Variants in MGAT4C observed in about 807,000 individuals in gnomAD.
MGAT4C encodes the protein MGAT4 family member C, also known as alpha-1,3-mannosyl-glycoprotein 4-beta-N-acetylglucosaminyltransferase C.
Under a neutral mutation model 40.1 loss-of-function variants are expected in MGAT4C, and 19 were observed. The ratio of observed to expected loss-of-function variants is 0.47; its 90% confidence interval spans 0.33 to 0.70. The LOEUF is 0.70. Among genes scored for constraint, MGAT4C ranks in the 30% least tolerant of loss-of-function variants. MGAT4C has a pLI of 0.02. For missense variants in MGAT4C, 491 were observed against 563.2 expected, an observed-to-expected ratio of 0.87 and a Z score of 1.30; for synonymous variants, 181 against 187.1, an observed-to-expected ratio of 0.97 and a Z score of 0.27.
rs111376511 is a variant in MGAT4C, at chr12:86,700,984, G to A, written c.-229+26225C>T. Among the ~76,000 whole-genome samples, 523 of 151,998 alleles carry A rather than the reference G, an allele frequency of 3.4e-3. 1 individual carries two copies. The highest frequency in any genetic ancestry group is 0.012 in the African/African-American group (501 of 41,484). On this transcript the variant is annotated intron_variant, in intron 2 of 7. Coordinates refer to the MGAT4C transcript ENST00000548651. ...GTAAACTTTTCCAAGAAATATAAAT[G>A]CAATAAGAAAAAATATATTAAAAAG...
chr12:86,462,382 C>G (rs557347998), intron 2 of MGAT4C, among the ~76,000 whole-genome samples: 1 of 152,140 alleles, frequency 6.6e-6, no homozygotes, highest in South Asian at 2.1e-4. Context: ...AGACACAGTT[C>G]CTGCCTTCAA....
chr12:86,710,249 G>A (rs1189012169), intron 2 of MGAT4C, among the ~76,000 whole-genome samples: 3 of 152,082 alleles, frequency 2.0e-5, no homozygotes, highest in Non-Finnish European at 4.4e-5. Flanking sequence ...TGCTGATAAA[G>A]ATGTAGTAAA....
intron 1 of MGAT4C, among the ~76,000 whole-genome samples, chr12:86,108,405 G>C (rs1263009301): frequency 2.0e-5 from 3 of 152,004 alleles, no homozygotes; most frequent in Non-Finnish European, 2.9e-5. Context: ...ACTCCTTAAG[G>C]CTTCTCTTTT....
At chr12:86,107,108 C>G (rs1332549420) in intron 1 of MGAT4C, among the ~76,000 whole-genome samples, 1 of 152,154 alleles carries the variant, frequency 6.6e-6, no homozygotes. Context: ...TTTATACTTA[C>G]AGATTTTGCT....
At chr12:86,484,044 T>C (rs1957978819) in intron 2 of MGAT4C, among the ~76,000 whole-genome samples, 1 of 151,934 alleles carries the variant, frequency 6.6e-6, no homozygotes, top group Non-Finnish European at 1.5e-5. Flanking sequence ...GATCAGCTTC[T>C]AGAGAAGGTG....
At chr12:86,187,237 G>C (rs1321329544) in intron 1 of MGAT4C, among the ~76,000 whole-genome samples, 1 of 151,974 alleles carries the variant, frequency 6.6e-6, no homozygotes, top group Admixed American at 6.6e-5. Context: ...ACCCAATCTA[G>C]TCTAATATTT....
intron 1 of MGAT4C, among the ~76,000 whole-genome samples, chr12:86,213,916 C>T (rs565671651): frequency 1.3e-5 from 2 of 152,316 alleles, no homozygotes; most frequent in African/African-American, 4.8e-5. Flanking sequence ...CTTTAAACTG[C>T]TTCCTGCATC....
intron 2 of MGAT4C, among the ~76,000 whole-genome samples, chr12:86,599,264 AAAGT>A (rs1446566723): frequency 1.3e-5 from 2 of 152,152 alleles, no homozygotes; most frequent in African/African-American, 4.8e-5. Flanking sequence ...TTAGATTAAA[AAAGT>A]AAGACATATA....
At chr12:86,296,782 A>C (rs1185723456) in intron 4 of MGAT4C, among the ~76,000 whole-genome samples, 1 of 151,848 alleles carries the variant, frequency 6.6e-6, no homozygotes, top group Non-Finnish European at 1.5e-5. Flanking sequence ...CTCCCTCCAC[A>C]CCTCCCTGCA....
intron 2 of MGAT4C, among the ~76,000 whole-genome samples, chr12:86,528,051 T>C (rs927156118): frequency 2.0e-5 from 3 of 152,174 alleles, no homozygotes; most frequent in Non-Finnish European, 4.4e-5. Context: ...TCTTATCATG[T>C]GTGAATTATA....
At chr12:86,361,384 T>C (rs1955464690) in intron 3 of MGAT4C, among the ~76,000 whole-genome samples, 1 of 151,882 alleles carries the variant, frequency 6.6e-6, no homozygotes, top group African/African-American at 2.4e-5. Flanking sequence ...ATAAAAACTC[T>C]AGAAGAAAAC....
intron 2 of MGAT4C, among the ~76,000 whole-genome samples, chr12:86,636,139 G>A (rs538870451): frequency 1.3e-5 from 2 of 152,100 alleles, no homozygotes; most frequent in South Asian, 4.1e-4. Context: ...AGTACTAGTA[G>A]ACCAGCTAGC....
At chr12:86,773,296 G>A (rs926495391) in intron 1 of MGAT4C, among the ~76,000 whole-genome samples, 1 of 152,076 alleles carries the variant, frequency 6.6e-6, no homozygotes, top group Non-Finnish European at 1.5e-5. Flanking sequence ...CATCTACAGA[G>A]GGAAGAGGAT....
chr12:86,491,353 T>G (rs1290894758), intron 2 of MGAT4C, among the ~76,000 whole-genome samples: 1 of 152,064 alleles, frequency 6.6e-6, no homozygotes, highest in Non-Finnish European at 1.5e-5. Flanking sequence ...AAAAAAGAAT[T>G]TTAGACCAAT....
At chr12:86,709,164 T>C (rs1175570643) in intron 2 of MGAT4C, among the ~76,000 whole-genome samples, 1 of 152,138 alleles carries the variant, frequency 6.6e-6, no homozygotes, top group Non-Finnish European at 1.5e-5. Context: ...CCTGTGATAG[T>C]GAATAAGTCT....
chr12:86,040,285 C>T (rs1891670995), intron 2 of MGAT4C, among the ~76,000 whole-genome samples: 1 of 152,344 alleles, frequency 6.6e-6, no homozygotes, highest in South Asian at 2.1e-4. Context: ...CTGCTCTCTT[C>T]AGAGCTGCCA....
intron 2 of MGAT4C, among the ~76,000 whole-genome samples, chr12:86,664,747 G>A (rs891458729): frequency 1.3e-5 from 2 of 152,112 alleles, no homozygotes; most frequent in Non-Finnish European, 2.9e-5. Context: ...CTACAAATCT[G>A]TAGTTATGTG....
In MGAT4C at chr12:86,716,211, C is replaced by T. The variant is rs140770167; in HGVS notation, c.-229+10998G>A. Among the ~76,000 whole-genome samples, 838 of 152,160 alleles carry T rather than the reference C, an allele frequency of 5.5e-3. 3 individuals carry two copies. The highest frequency in any genetic ancestry group is 8.9e-3 in the Non-Finnish European group (603 of 67,962). On this transcript the variant is annotated intron_variant, in intron 2 of 7. Coordinates refer to the MGAT4C transcript ENST00000548651. ...ACAGGAGGTACATATAAACATTAAA[C>T]AGGACAAACTATTAATTTACTATTA... is the stretch of plus-strand genomic sequence containing the variant.
chr12:86,433,270 A>T, intron 3 of MGAT4C, among the ~76,000 whole-genome samples: 1 of 151,742 alleles, frequency 6.6e-6, no homozygotes, highest in East Asian at 1.9e-4. Flanking sequence ...ATATATTTAT[A>T]ACTATATATA....
Sources: gnomAD v4.1 joint callset for allele counts (sites outside exome capture counted in the v4.1 genomes callset) on GRCh38, gnomAD v4.1.1 for gene constraint, MANE v1.5 for transcripts, NCBI Gene and HGNC (gene_info 2026-07-23, HGNC 2026-07-21) for gene names.